The following CFAP47 variants were observed in gnomAD, a reference collection of about 807,000 sequenced individuals.
CFAP47 encodes the protein cilia- and flagella-associated protein 47.
A neutral mutation model predicts 148.1 loss-of-function variants in CFAP47; 29 were observed. The observed-to-expected ratio is 0.20, with a 90% CI of 0.15 to 0.27. The LOEUF (loss-of-function observed/expected upper bound fraction) is 0.27, where lower values mean the gene tolerates loss of function less well. CFAP47 is among the 10% of genes least tolerant of loss of function. CFAP47 has a pLI of 1.00. For missense variants in CFAP47, 1,872 were observed against 1,697.5 expected (o/e 1.10, Z -1.81); for synonymous variants, 664 against 577.3 (o/e 1.15, Z -2.15).
intron 33 of CFAP47, 48 bp from the exon 34 acceptor site, chrX:36,137,910 A>G (rs1353152471): frequency 1.9e-6 from 1 of 513,214 alleles, no homozygotes; most frequent in East Asian, 3.7e-5. Flanking sequence ...GTATCTTTTA[A>G]TAAAGTAAAA....
chrX:36,281,030 A>G (rs1941073720), intron 50 of CFAP47, among the ~76,000 whole-genome samples: 1 of 111,814 alleles, frequency 8.9e-6, no homozygotes, highest in Admixed American at 9.6e-5. Flanking sequence ...ACTAAACACT[A>G]TTTTTCCCCC....
intron 15 of CFAP47, among the ~76,000 whole-genome samples, chrX:35,983,350 A>G (rs1431504346): frequency 8.9e-6 from 1 of 111,837 alleles, no homozygotes; most frequent in East Asian, 2.8e-4. Flanking sequence ...GTATTTGGGC[A>G]GAGACTATGG....
chrX:36,010,763 T>A (rs1204589259), intron 21 of CFAP47, among the ~76,000 whole-genome samples: 1 of 112,098 alleles, frequency 8.9e-6, no homozygotes, highest in Non-Finnish European at 1.9e-5. Context: ...ACCAACTTTT[T>A]GTTTATTGAT....
chrX:36,175,221 T>C (rs1261272113), intron 39 of CFAP47, among the ~76,000 whole-genome samples: 3 of 111,367 alleles, frequency 2.7e-5, no homozygotes, highest in African/African-American at 9.8e-5. Context: ...TTTCAAAGCT[T>C]TCAACTTCTT....
chrX:35,967,727 C>T lies in CFAP47; in HGVS notation c.1709C>T (p.Thr570Ile). 1 of 1,208,794 alleles carries T rather than the reference C, an allele frequency of 8.3e-7. No homozygotes were observed. The highest frequency in any genetic ancestry group is 1.1e-6 in the Non-Finnish European group (1 of 893,279). The stretch of plus-strand genomic sequence containing the variant: ...ATGCTTCAATCAGCCATGACACGCA[C>T]TCACAATCATCGCTCATGTGAAGAG... ...VAMLQSAMTR[T>I]HNHRSCEEPV... Residue 570 changes from threonine (T) to isoleucine (I), a missense_variant, in exon 10 of 64, where the codon ACT becomes ATT. Thr to Ile is a moderately conservative substitution (Grantham distance 89, BLOSUM62 -1). Coordinates refer to ENST00000378653, the MANE Select transcript of CFAP47 (RefSeq NM_001304548.2).
intron 5 of CFAP47, 99 bp downstream of exon 5, chrX:35,951,458 T>G (rs1936165764): frequency 1.7e-6 from 1 of 598,789 alleles, no homozygotes; most frequent in African/African-American, 2.3e-5. Context: ...ATTCAAAATA[T>G]CTTTTAACAT....
intron 33 of CFAP47, among the ~76,000 whole-genome samples, chrX:36,107,601 T>C (rs1045388533): frequency 2.7e-5 from 3 of 112,200 alleles, no homozygotes; most frequent in Non-Finnish European, 5.6e-5. Context: ...CAGCTTATTA[T>C]TGTATCAAAT....
rs938696264 is a variant in CFAP47, at chrX:36,319,695, T to G, written c.8443+388T>G. ...ATATTGATAGTAATAAAAAGTAGTATCAGTAGTTTTAATACTAATAAAAAG... is the reference window on the plus strand; with the variant it reads ...ATATTGATAGTAATAAAAAGTAGTAGCAGTAGTTTTAATACTAATAAAAAG... On this transcript the variant is annotated intron_variant, in intron 57 of 63. Coordinates refer to ENST00000378653, the MANE Select transcript of CFAP47 (RefSeq NM_001304548.2). Among the ~76,000 whole-genome samples, 10 of 111,438 alleles carry G rather than the reference T, an allele frequency of 9.0e-5. No individual in the cohort carries two copies. In the Admixed American group the frequency reaches 9.6e-4, roughly 11 times the overall value.
In CFAP47 at chrX:36,114,547, C is replaced by A. The variant is rs770751475; in HGVS notation, c.5320+9856C>A. Reference sequence around the variant, plus strand: ...TTTTTTCTTTTATCTTATTTTATGACCTTGAGAGTTTGATTGTGGTATAAG... The same window carrying A: ...TTTTTTCTTTTATCTTATTTTATGAACTTGAGAGTTTGATTGTGGTATAAG... On this transcript the variant is annotated intron_variant, in intron 33 of 63. Transcript: ENST00000378653. 4.5e-5 allele frequency among the ~76,000 whole-genome samples: 5 copies of A among 111,226 alleles called. No homozygotes were observed. In the East Asian group the frequency reaches 1.4e-3, roughly 32 times the overall value.
intron 24 of CFAP47, among the ~76,000 whole-genome samples, chrX:36,036,359 ATT>A (rs200119140): frequency 2.0e-5 from 2 of 102,461 alleles, no homozygotes; most frequent in Non-Finnish European, 2.0e-5. Context: ...AGGTTCAATC[ATT>A]TTTTTTTTTT....
chrX:36,177,745 AGTTC>A (rs1472004091), intron 39 of CFAP47, among the ~76,000 whole-genome samples: 54 of 112,568 alleles, frequency 4.8e-4, no homozygotes, highest in African/African-American at 1.7e-3. Flanking sequence ...TGTTGGCATT[AGTTC>A]AGCCACTGTG....
intron 55 of CFAP47, among the ~76,000 whole-genome samples, chrX:36,307,361 C>T (rs1259475389): frequency 9.0e-6 from 1 of 111,209 alleles, no homozygotes; most frequent in African/African-American, 3.3e-5. Context: ...TATCCCAATT[C>T]ATTCTCACCG....
chrX:36,317,836 G>T (rs1040435456), intron 56 of CFAP47, among the ~76,000 whole-genome samples: 22 of 111,466 alleles, frequency 2.0e-4, no homozygotes, highest in African/African-American at 7.2e-4. Flanking sequence ...CAAATAAAAA[G>T]TAAATGTAGA....
At chrX:36,244,958 CA>C (rs1555996797) in intron 48 of CFAP47, among the ~76,000 whole-genome samples, 1 of 111,307 alleles carries the variant, frequency 9.0e-6, no homozygotes, top group African/African-American at 3.3e-5. Context: ...CAAAAATCCT[CA>C]AAAAAATAAT....
At chrX:36,263,833 G>C (rs1363630213) in intron 49 of CFAP47, among the ~76,000 whole-genome samples, 1 of 111,915 alleles carries the variant, frequency 8.9e-6, no homozygotes, top group Non-Finnish European at 1.9e-5. Context: ...TTCTCAAGCA[G>C]CCACCCTATA....
At chrX:36,239,533 CT>C (rs1940515280) in intron 48 of CFAP47, among the ~76,000 whole-genome samples, 1 of 112,089 alleles carries the variant, frequency 8.9e-6, no homozygotes, top group Admixed American at 9.5e-5. Flanking sequence ...CAGCATCCCA[CT>C]AGGAAGGCAT....
rs191877163 is a variant in CFAP47, at chrX:36,358,181, A to T, written c.8852-3149A>T. ...TGTCCTGCTTACTCTAATAGGATTA[A>T]CCTTGAAAAGACTGCCAACCTTATC... On this transcript the variant is annotated intron_variant, in intron 60 of 63. Coordinates refer to ENST00000378653, the MANE Select transcript of CFAP47 (RefSeq NM_001304548.2). 8.1e-5 allele frequency among the ~76,000 whole-genome samples: 9 copies of T among 111,690 alleles called. No homozygotes were observed. The East Asian group carries it at 2.5e-3, about 32-fold the overall frequency.
intron 25 of CFAP47, among the ~76,000 whole-genome samples, chrX:36,040,688 T>C (rs747971812): frequency 1.8e-5 from 2 of 111,793 alleles, no homozygotes; most frequent in African/African-American, 6.5e-5. Context: ...AAAAAAATTC[T>C]ACAGAGTGAA....
intron 32 of CFAP47, 45 bp from the exon 33 acceptor site, chrX:36,104,454 A>T: frequency 2.1e-6 from 1 of 465,566 alleles, no homozygotes. Context: ...TTAATTTGCT[A>T]TTTTTCCATT....
Sources: allele counts gnomAD v4.1 joint callset (sites outside exome capture counted in the v4.1 genomes callset), GRCh38; gene constraint gnomAD v4.1.1; transcripts MANE v1.5; gene names NCBI Gene and HGNC (gene_info 2026-07-23, HGNC 2026-07-21).